Variants in SPAG16 observed in about 807,000 individuals in gnomAD.
SPAG16 encodes the protein sperm-associated antigen 16 protein.
A neutral mutation model predicts 80.4 loss-of-function variants in SPAG16; 86 were observed. That is an observed-to-expected ratio of 1.07 (90% CI 0.90 to 1.28). The LOEUF (loss-of-function observed/expected upper bound fraction) is 1.28. Ranked by LOEUF, SPAG16 falls within the 50% of genes most tolerant of loss-of-function variation. The pLI, the probability that SPAG16 is intolerant of heterozygous loss-of-function variation, is 0.00. For synonymous variants in SPAG16, 294 were observed against 265.9 expected (o/e 1.11, Z -1.03); for missense variants, 870 against 765.3 (o/e 1.14, Z -1.61).
At chr2:213,870,261 G>A (rs1413568904) in intron 11 of SPAG16, among the ~76,000 whole-genome samples, 2 of 152,106 alleles carry the variant, frequency 1.3e-5, no homozygotes, top group African/African-American at 4.8e-5. Context: ...AATGGCATAA[G>A]ACTGCTTGCT....
chr2:213,898,800 C>G (rs2077096666), intron 11 of SPAG16, among the ~76,000 whole-genome samples: 1 of 152,002 alleles, frequency 6.6e-6, no homozygotes, highest in African/African-American at 2.4e-5. Context: ...CAGTATAGCT[C>G]AAAATATTAG....
intron 12 of SPAG16, among the ~76,000 whole-genome samples, chr2:213,987,166 T>C (rs1272347254): frequency 1.3e-5 from 2 of 152,090 alleles, no homozygotes; most frequent in Non-Finnish European, 2.9e-5. Flanking sequence ...TATTAATTCA[T>C]ACATGTATTT....
intron 5 of SPAG16, 106 bp downstream of exon 5, chr2:213,317,462 C>T (rs560202511): frequency 4.2e-4 from 565 of 1,357,570 alleles, no homozygotes; most frequent in Admixed American, 3.8e-4. Context: ...TTTTTGAAAA[C>T]TGAATTTTTC....
intron 15 of SPAG16, among the ~76,000 whole-genome samples, chr2:214,358,151 A>T (rs1576874749): frequency 6.6e-6 from 1 of 151,926 alleles, no homozygotes; most frequent in Admixed American, 6.6e-5. Context: ...ATTGTGGTCC[A>T]TGTAAAAAGC....
intron 13 of SPAG16, among the ~76,000 whole-genome samples, chr2:214,098,000 G>T (rs1300553066): frequency 6.6e-6 from 1 of 151,952 alleles, no homozygotes; most frequent in Non-Finnish European, 1.5e-5. Flanking sequence ...AAGCAGCAAA[G>T]CCCAAATTCA....
intron 15 of SPAG16, among the ~76,000 whole-genome samples, chr2:214,340,991 C>G (rs1256958191): frequency 6.6e-6 from 1 of 152,068 alleles, no homozygotes; most frequent in East Asian, 1.9e-4. Flanking sequence ...AAATTTGTTC[C>G]TGGAGGACAC....
chr2:213,414,748 T>C (rs1200735457), intron 9 of SPAG16, among the ~76,000 whole-genome samples: 1 of 152,218 alleles, frequency 6.6e-6, no homozygotes, highest in African/African-American at 2.4e-5. Context: ...GTAAAATAAG[T>C]AATAACCGCT....
intron 9 of SPAG16, among the ~76,000 whole-genome samples, chr2:213,403,957 G>A (rs376373656): frequency 1.8e-4 from 28 of 152,210 alleles, no homozygotes; most frequent in African/African-American, 2.9e-4. Context: ...CCCATTCACA[G>A]TTGCTTCAAA....
chr2:213,392,620 G>A (rs1176425510), intron 9 of SPAG16, among the ~76,000 whole-genome samples: 1 of 152,132 alleles, frequency 6.6e-6, no homozygotes, highest in Non-Finnish European at 1.5e-5. Context: ...GCCGAGGTGG[G>A]TGGATCACAA....
chr2:213,626,516 A>G (rs1041987124), intron 10 of SPAG16, among the ~76,000 whole-genome samples: 3 of 152,126 alleles, frequency 2.0e-5, no homozygotes, highest in Admixed American at 6.6e-5. Flanking sequence ...TAACAGTTGA[A>G]CTCAACATCT....
At chr2:213,397,126 C>G (rs1268075530) in intron 9 of SPAG16, among the ~76,000 whole-genome samples, 1 of 152,130 alleles carries the variant, frequency 6.6e-6, no homozygotes, top group South Asian at 2.1e-4. Context: ...AAGAAGAAAA[C>G]AAAAGCCTTG....
chr2:214,302,484 A>G (rs944025058), intron 15 of SPAG16, among the ~76,000 whole-genome samples: 38 of 151,864 alleles, frequency 2.5e-4, no homozygotes, highest in African/African-American at 9.2e-4. Context: ...TGAATACTTC[A>G]GTTTTTTTGT....
At chr2:213,876,353 G>A (rs1178411182) in intron 11 of SPAG16, among the ~76,000 whole-genome samples, 2 of 150,600 alleles carry the variant, frequency 1.3e-5, no homozygotes, top group Non-Finnish European at 3.0e-5. Context: ...GAATCTTTGT[G>A]TAGTTGAATC....
At chr2:213,533,070 GTT>G (rs1196896713) in intron 10 of SPAG16, among the ~76,000 whole-genome samples, 1 of 152,044 alleles carries the variant, frequency 6.6e-6, no homozygotes. Flanking sequence ...TTAGAATATA[GTT>G]TCTCTGTATT....
intron 10 of SPAG16, among the ~76,000 whole-genome samples, chr2:213,510,007 T>C (rs1396581910): frequency 6.6e-6 from 1 of 152,074 alleles, no homozygotes; most frequent in African/African-American, 2.4e-5. Context: ...CCTACAGAAA[T>C]ACAAACTACC....
chr2:213,703,391 C>T (rs2065587942), intron 10 of SPAG16, among the ~76,000 whole-genome samples: 1 of 152,158 alleles, frequency 6.6e-6, no homozygotes, highest in Admixed American at 6.6e-5. Context: ...TTCTCCAGCG[C>T]AGAGAGAGCA....
chr2:213,417,617 T>C (rs2069334315), intron 9 of SPAG16, among the ~76,000 whole-genome samples: 1 of 152,198 alleles, frequency 6.6e-6, no homozygotes, highest in Non-Finnish European at 1.5e-5. Context: ...ACTTAAATTT[T>C]TTAAATAGAA....
At chr2:213,325,895 A>T (rs72937049) in intron 5 of SPAG16, among the ~76,000 whole-genome samples, 32,955 of 151,848 alleles carry the variant, frequency 0.22, 4,415 homozygotes, top group Non-Finnish European at 0.31. Flanking sequence ...TGGTACATAG[A>T]AGGAGCTTAA....
chr2:214,255,484 T>C (rs1320175906), intron 15 of SPAG16, among the ~76,000 whole-genome samples: 1 of 152,042 alleles, frequency 6.6e-6, no homozygotes, highest in African/African-American at 2.4e-5. Flanking sequence ...CAATGCATCT[T>C]ATGTTTTGAT....
Sources: allele counts gnomAD v4.1 joint callset (sites outside exome capture counted in the v4.1 genomes callset), GRCh38; gene constraint gnomAD v4.1.1; transcripts MANE v1.5; gene names NCBI Gene and HGNC (gene_info 2026-07-23, HGNC 2026-07-21).